Variants in EMCN observed in about 807,000 individuals in gnomAD.
EMCN encodes the protein MUC-14.
EMCN carries 37 observed loss-of-function variants against 38.4 expected under a neutral mutation model. The ratio of observed to expected loss-of-function variants is 0.96; its 90% CI spans 0.74 to 1.27. The LOEUF (loss-of-function observed/expected upper bound fraction) is 1.27, where lower values mean the gene tolerates loss of function less well. Ranked by LOEUF, EMCN falls within the 50% of genes most tolerant of loss-of-function variation. The pLI is 0.00. For synonymous variants in EMCN, 95 were observed against 100.8 expected, an observed-to-expected ratio of 0.94 and a Z score of 0.35; for missense variants, 318 against 302.8, an observed-to-expected ratio of 1.05 and a Z score of -0.37.
chr4:100,503,604 G>A, intron 1 of EMCN, among the ~76,000 whole-genome samples: 1 of 151,660 alleles, frequency 6.6e-6, no homozygotes, highest in Non-Finnish European at 1.5e-5. Flanking sequence ...TCTAAGACAG[G>A]GTTTTGCTCT....
rs1435842639 is a variant in EMCN, at chr4:100,421,450, A to C, written c.569-73T>G. The stretch of plus-strand genomic sequence containing the variant: ...ACAGCGATAGTTTGGTAAGTGAGCC[A>C]AAGCATGAGTACTTCCTTTCTTCTT... On this transcript the variant is annotated intron_variant, in intron 7 of 11. Transcript: ENST00000296420. 3 of 1,085,362 alleles carry C rather than the reference A, an allele frequency of 2.8e-6. No homozygotes were observed. The African/African-American group carries it at 4.7e-5, about 17-fold the overall frequency. The allele number at this position is 1,085,362 out of a possible 1,614,324, so 67.2% of individuals were successfully genotyped here. A position where few individuals can be genotyped will look rare whatever the true frequency, so the allele number is the denominator to read the frequency against.
At chr4:100,485,262 G>T (rs16996678) in intron 1 of EMCN, among the ~76,000 whole-genome samples, 25,045 of 151,958 alleles carry the variant, frequency 0.16, 3,217 homozygotes, top group East Asian at 0.7. Context: ...TTGCTACCTT[G>T]TATTTATTCC....
intron 2 of EMCN, among the ~76,000 whole-genome samples, chr4:100,475,677 T>G (rs1466853244): frequency 2.4e-5 from 3 of 126,320 alleles, no homozygotes; most frequent in Non-Finnish European, 3.3e-5. Flanking sequence ...TTTTTTTTTT[T>G]TTTTTTTTTT....
At chr4:100,438,866 G>T (rs539794381) in intron 5 of EMCN, among the ~76,000 whole-genome samples, 30 of 151,674 alleles carry the variant, frequency 2.0e-4, no homozygotes, top group Admixed American at 3.3e-4. Flanking sequence ...CTTTCATTCT[G>T]TTAATGTCAT....
rs937795584 is a variant in EMCN at position 100,397,129 on chromosome 4, G to A, written c.*1284C>T. ...ATCACCACAAAACAAATTTTAAAAGGCTATTTTAAATACAAGATTCCATCT... is the reference window on the plus strand; with the variant it reads ...ATCACCACAAAACAAATTTTAAAAGACTATTTTAAATACAAGATTCCATCT... On this transcript the variant is annotated 3_prime_UTR_variant, in exon 12 of 12. Coordinates refer to ENST00000296420, the MANE Select transcript of EMCN (RefSeq NM_016242.4). The A allele has an allele frequency of 6.6e-6, 1 of 151,960 alleles. No homozygotes were observed. Among genetic ancestry groups the A allele is most frequent in the Non-Finnish European group, 1.5e-5 (1 of 67,986 alleles). 9.4% of individuals were successfully genotyped at this position (151,960 alleles called of 1,614,324 possible). A position where few individuals can be genotyped will look rare whatever the true frequency, so the allele number is the denominator to read the frequency against.
chr4:100,470,381 A>AAAAAG (rs1169124276), intron 3 of EMCN, among the ~76,000 whole-genome samples: 1 of 151,458 alleles, frequency 6.6e-6, no homozygotes, highest in Admixed American at 6.6e-5. Context: ...AAAATGTTAA[A>AAAAAG]AAAAAAAACA....
Position 100,479,900 on chromosome 4 carries a change from C to T in EMCN, c.187+17G>A, listed in dbSNP as rs1473883763. 1.3e-6 allele frequency: 2 copies of T among 1,586,060 alleles called. No individual in the cohort carries two copies. Among genetic ancestry groups the T allele is most frequent in the Non-Finnish European group, 1.7e-6 (2 of 1,170,254 alleles). The stretch of plus-strand genomic sequence containing the variant: ...ATTTGTTAAAGTTAAACTAAATTTA[C>T]TAACAGTTAATCCTACCTTTAGGAG... On this transcript the variant is annotated intron_variant, in intron 2 of 11. Transcript: ENST00000296420.
intron 1 of EMCN, among the ~76,000 whole-genome samples, chr4:100,483,058 T>C (rs1450153445): frequency 6.6e-6 from 1 of 152,132 alleles, no homozygotes; most frequent in Non-Finnish European, 1.5e-5. Context: ...TATTATTAGT[T>C]CTTTGGGTTG....
In EMCN at chr4:100,437,914, TG is replaced by T. The variant is rs35534673; in HGVS notation, c.415+9618del. 1.4e-3 allele frequency among the ~76,000 whole-genome samples: 209 copies of T among 152,244 alleles called. 2 individuals carry two copies. In the East Asian group the frequency reaches 0.023, roughly 16 times the overall value. ...CATGTTTTCATACATATTTTTGGAATGTTTTTTTATTTCTGTGAAGAATGAC... is the reference window on the plus strand; with the variant it reads ...CATGTTTTCATACATATTTTTGGAATTTTTTTTATTTCTGTGAAGAATGAC... On this transcript the variant is annotated intron_variant, in intron 5 of 11. Transcript: ENST00000296420.
intron 7 of EMCN, 71 bp from the exon 8 acceptor site, chr4:100,421,448 C>T: frequency 1.7e-6 from 2 of 1,152,814 alleles, no homozygotes; most frequent in Non-Finnish European, 2.6e-6. Context: ...GGTAAGTGAG[C>T]CAAAGCATGA....
At chr4:100,447,127 T>C (rs77223980) in intron 5 of EMCN, among the ~76,000 whole-genome samples, 7,100 of 152,262 alleles carry the variant, frequency 0.047, 584 homozygotes, top group African/African-American at 0.16. Context: ...GCATTTTAAA[T>C]TGTTAACTGT....
chr4:100,501,145 C>G (rs184110445), intron 1 of EMCN, among the ~76,000 whole-genome samples: 1 of 152,074 alleles, frequency 6.6e-6, no homozygotes. Context: ...GGTTATAAAG[C>G]TATTCTCCTA....
In EMCN at chr4:100,517,999, A is replaced by G. The variant is rs1729804527; in HGVS notation, c.-85T>C. The G allele has an allele frequency of 1.5e-6, 2 of 1,346,966 alleles. No individual in the cohort carries two copies. Among genetic ancestry groups the G allele is most frequent in the African/African-American group, 2.9e-5 (2 of 69,686 alleles). 83.4% of individuals were successfully genotyped at this position (1,346,966 alleles called of 1,614,324 possible). On this transcript the variant is annotated 5_prime_UTR_variant, in exon 1 of 12. Transcript: ENST00000296420. ...CCCAGCCTGGCAGGGCCTTATTAGC[A>G]AATGGAAAAGGTGTAGTGAATGTGA...
intron 1 of EMCN, among the ~76,000 whole-genome samples, chr4:100,484,134 A>C (rs1728881534): frequency 6.6e-6 from 1 of 152,110 alleles, no homozygotes; most frequent in Non-Finnish European, 1.5e-5. Flanking sequence ...GAAAATAACT[A>C]TTCTAATTAT....
chr4:100,505,741 T>C (rs1729465165), intron 1 of EMCN, among the ~76,000 whole-genome samples: 1 of 152,084 alleles, frequency 6.6e-6, no homozygotes, highest in Admixed American at 6.6e-5. Flanking sequence ...CCTCCCTTAC[T>C]CTGCTCCCAG....
chr4:100,409,303 C>T (rs72919522), intron 11 of EMCN, among the ~76,000 whole-genome samples: 5,996 of 152,196 alleles, frequency 0.039, 400 homozygotes, highest in African/African-American at 0.14. Context: ...AACTAAGTGA[C>T]AGCACTTAAT....
chr4:100,428,033 C>T (rs1391378257), intron 5 of EMCN, among the ~76,000 whole-genome samples: 1 of 147,070 alleles, frequency 6.8e-6, no homozygotes, highest in Admixed American at 6.8e-5. Flanking sequence ...TGGTCAAAGC[C>T]ACCATCTTCT....
At chr4:100,427,847 C>G (rs190899250) in intron 5 of EMCN, among the ~76,000 whole-genome samples, 5 of 152,242 alleles carry the variant, frequency 3.3e-5, no homozygotes, top group Admixed American at 2.0e-4. Flanking sequence ...CTATCTGAAG[C>G]CTTCCTATCC....
chr4:100,443,880 G>T (rs1310939002), intron 5 of EMCN, among the ~76,000 whole-genome samples: 1 of 152,186 alleles, frequency 6.6e-6, no homozygotes, highest in Non-Finnish European at 1.5e-5. Context: ...AGAAGCTTGG[G>T]TCCAGGGAGC....
Sources: gnomAD v4.1 joint callset for allele counts (sites outside exome capture counted in the v4.1 genomes callset) on GRCh38, gnomAD v4.1.1 for gene constraint, MANE v1.5 for transcripts, NCBI Gene and HGNC (gene_info 2026-07-23, HGNC 2026-07-21) for gene names.